The following PRDM5 variants were observed in gnomAD, a reference collection of about 807,000 sequenced individuals.
The protein encoded by PRDM5 is PR domain zinc finger protein 5.
In PRDM5, 56 loss-of-function variants were observed where a neutral mutation model predicts 81.2. The observed-to-expected ratio is 0.69, with a 90% confidence interval of 0.56 to 0.86. PRDM5 has a LOEUF of 0.86. Among genes scored for constraint, PRDM5 ranks in the 40% least tolerant of loss-of-function variants. The pLI is 0.00. For synonymous variants in PRDM5, 267 were observed against 256.4 expected, an observed-to-expected ratio of 1.04 and a Z score of -0.39; for missense variants, 697 against 770.1, an observed-to-expected ratio of 0.91 and a Z score of 1.12.
intron 14 of PRDM5, among the ~76,000 whole-genome samples, chr4:120,726,630 G>C (rs1001066796): frequency 7.2e-5 from 11 of 152,140 alleles, no homozygotes; most frequent in Non-Finnish European, 4.4e-5. Context: ...TTCTTATTTT[G>C]TACATAAAGA....
At chr4:120,701,791 C>G (rs1353839474) in intron 15 of PRDM5, among the ~76,000 whole-genome samples, 4 of 151,972 alleles carry the variant, frequency 2.6e-5, no homozygotes, top group Admixed American at 2.6e-4. Flanking sequence ...GTACAACAAA[C>G]CTGCAGATGT....
rs917768289 is a variant in PRDM5 at position 120,710,346 on chromosome 4, T to C, written c.1691A>G (p.Lys564Arg). Residue 564 changes from lysine (K) to arginine (R), a missense_variant, in exon 15 of 16, where the codon AAG becomes AGG. Lys to Arg is a conservative substitution (Grantham distance 26). This residue lies in a region of PRDM5 where 86 missense variants were observed against 135.2 expected (regional missense o/e 0.64). Transcript: ENST00000264808. Reference sequence around the variant, plus strand: ...AGGCTTTTCTCCAGTGTGCGTCCTCTTGTGCTCATCCAGGCCTCGCTTCTG... The same window carrying C: ...AGGCTTTTCTCCAGTGTGCGTCCTCCTGTGCTCATCCAGGCCTCGCTTCTG... Reference protein sequence around the residue: ...FSQKRGLDEHKRTHTGEKPFQ... With the variant: ...FSQKRGLDEHRRTHTGEKPFQ... 4 of 1,614,104 alleles carry C rather than the reference T, an allele frequency of 2.5e-6. No homozygotes were observed. Among genetic ancestry groups the C allele is most frequent in the Non-Finnish European group, 2.5e-6 (3 of 1,180,012 alleles).
chr4:120,816,378 C>G, intron 7 of PRDM5, 75 bp downstream of exon 7: 1 of 1,610,566 alleles, frequency 6.2e-7, no homozygotes, highest in Non-Finnish European at 8.5e-7. Context: ...TCCTCAAGAG[C>G]GAGAATTAAA....
chr4:120,718,867 A>G (rs561807267), intron 14 of PRDM5, among the ~76,000 whole-genome samples: 2 of 152,316 alleles, frequency 1.3e-5, no homozygotes, highest in South Asian at 2.1e-4. Context: ...GGCTTGTGTT[A>G]TATTTTTAAA....
In PRDM5 at chr4:120,841,815, T is replaced by C. The variant is rs374089611; in HGVS notation, c.300+11603A>G. ...TGCTTGGCTCCATATATAACAAATG[T>C]TTCATTATATTTTCTAGTGACTAAA... On this transcript the variant is annotated intron_variant, in intron 3 of 15. Coordinates refer to ENST00000264808, the MANE Select transcript of PRDM5 (RefSeq NM_018699.4). Among the ~76,000 whole-genome samples the C allele has an allele frequency of 1.4e-4, 22 of 152,346 alleles. 1 individual carries two copies. The highest frequency in any genetic ancestry group is 5.8e-4 in the East Asian group (3 of 5,190).
chr4:120,706,474 T>C (rs1237153245), intron 15 of PRDM5, among the ~76,000 whole-genome samples: 1 of 151,992 alleles, frequency 6.6e-6, no homozygotes, highest in African/African-American at 2.4e-5. Flanking sequence ...AAAAGGATCA[T>C]GTTGAGAGAT....
intron 15 of PRDM5, among the ~76,000 whole-genome samples, chr4:120,702,403 C>T (rs1010411800): frequency 6.6e-6 from 1 of 152,164 alleles, no homozygotes; most frequent in Non-Finnish European, 1.5e-5. Context: ...CCTTAGGAAG[C>T]CCACGTGACA....
intron 2 of PRDM5, among the ~76,000 whole-genome samples, chr4:120,894,225 A>C (rs1764374452): frequency 1.3e-5 from 2 of 152,228 alleles, no homozygotes; most frequent in South Asian, 4.1e-4. Flanking sequence ...AATTTACTTA[A>C]TAAATTTACT....
At chr4:120,800,161 C>T (rs564389471) in intron 8 of PRDM5, among the ~76,000 whole-genome samples, 57 of 152,186 alleles carry the variant, frequency 3.7e-4, no homozygotes, top group African/African-American at 1.4e-3. Flanking sequence ...GAGAGTGCAA[C>T]ATTAATTACA....
At chr4:120,904,146 TG>T (rs568996612) in intron 2 of PRDM5, among the ~76,000 whole-genome samples, 114 of 117,840 alleles carry the variant, frequency 9.7e-4, no homozygotes, top group African/African-American at 3.5e-3. Flanking sequence ...GCTGAGATCG[TG>T]CCACTGCACT....
At chr4:120,687,193 C>T (rs780702828), downstream of PRDM5, among the ~76,000 whole-genome samples, 22 of 151,972 alleles carry the variant, frequency 1.4e-4, no homozygotes, top group Non-Finnish European at 3.1e-4. Flanking sequence ...GTATAGTATA[C>T]AGCACGGTAG....
At chr4:120,698,641 A>C (rs942628246) in intron 15 of PRDM5, among the ~76,000 whole-genome samples, 4 of 152,210 alleles carry the variant, frequency 2.6e-5, no homozygotes, top group African/African-American at 9.6e-5. Flanking sequence ...GGTACTCCAA[A>C]CTTACTATGT....
In PRDM5 at chr4:120,777,108, A is replaced by G. The variant is rs553916281; in HGVS notation, c.1537+80T>C. 1.2e-4 allele frequency: 201 copies of G among 1,608,632 alleles called. No homozygotes were observed. The East Asian group carries it at 4.4e-3, about 35-fold the overall frequency. ...AATTCTTAATCTGGAAGATATTTGT[A>G]TTATTACAATATTTCCTGTCTTGGA... On this transcript the variant is annotated intron_variant, in intron 13 of 15. Coordinates refer to ENST00000264808, the MANE Select transcript of PRDM5 (RefSeq NM_018699.4).
chr4:120,845,123 C>T (rs1758513157), intron 3 of PRDM5, among the ~76,000 whole-genome samples: 1 of 152,298 alleles, frequency 6.6e-6, no homozygotes, highest in Admixed American at 6.5e-5. Flanking sequence ...GAAGCCATCT[C>T]TATAACACAA....
At chr4:120,773,726 C>T (rs947941725) in intron 13 of PRDM5, among the ~76,000 whole-genome samples, 1 of 152,048 alleles carries the variant, frequency 6.6e-6, no homozygotes, top group African/African-American at 2.4e-5. Context: ...GTAATAACAC[C>T]CAAAATTATT....
intron 1 of PRDM5, among the ~76,000 whole-genome samples, chr4:120,685,340 C>T (rs1046587507): frequency 7.2e-5 from 11 of 151,906 alleles, no homozygotes; most frequent in African/African-American, 2.7e-4. Flanking sequence ...ACCTGATAGT[C>T]TAGGTACTGA....
chr4:120,786,529 A>G (rs1329934713), intron 10 of PRDM5, among the ~76,000 whole-genome samples: 1 of 152,168 alleles, frequency 6.6e-6, no homozygotes, highest in Non-Finnish European at 1.5e-5. Flanking sequence ...AAACGTCCAG[A>G]TATTCGGGCA....
chr4:120,734,268 C>A (rs1740725713), intron 14 of PRDM5, among the ~76,000 whole-genome samples: 1 of 151,256 alleles, frequency 6.6e-6, no homozygotes, highest in Non-Finnish European at 1.5e-5. Flanking sequence ...TTTTTTTTAG[C>A]AACTGAGACA....
At chr4:120,890,928 T>C (rs141417339) in intron 2 of PRDM5, among the ~76,000 whole-genome samples, 1 of 152,328 alleles carries the variant, frequency 6.6e-6, no homozygotes, top group African/African-American at 2.4e-5. Flanking sequence ...AGGCTGTCTG[T>C]TTACACTGTT....
Sources: gnomAD v4.1 joint callset for allele counts (sites outside exome capture counted in the v4.1 genomes callset) on GRCh38, gnomAD v4.1.1 for gene constraint, gnomAD v4.1.1 regional missense constraint, MANE v1.5 for transcripts, NCBI Gene and HGNC (gene_info 2026-07-23, HGNC 2026-07-21) for gene names.